BTN2A1: variants seen among roughly 807,000 people sequenced by gnomAD.
BTN2A1 encodes butyrophilin subfamily 2 member A1.
A neutral mutation model predicts 34.5 loss-of-function variants in BTN2A1; 41 were observed. The ratio of observed to expected loss-of-function variants is 1.19; its 90% CI spans 0.93 to 1.54. BTN2A1 has a LOEUF of 1.54. BTN2A1 is among the 40% of genes most tolerant of loss of function. BTN2A1 has a pLI of 0.00. For synonymous variants in BTN2A1, 267 were observed against 258.6 expected (o/e 1.03, Z -0.31); for missense variants, 642 against 662.0 (o/e 0.97, Z 0.33).
At position 26,459,980 on chromosome 6, in the gene BTN2A1, CT is replaced by C. The variant is rs1337250345; in HGVS notation, c.430+154del. 3 of 453,410 alleles carry C rather than the reference CT, an allele frequency of 6.6e-6. No homozygotes were observed. The East Asian group carries it at 1.5e-4, about 23-fold the overall frequency. The allele number at this position is 453,410 out of a possible 1,614,324, so 28.1% of individuals were successfully genotyped here. ...GGAAACGGAATTCCAGGGAAAAATC[CT>C]TCCTCCTGCACAAGGGACACATGAG... On this transcript the variant is annotated intron_variant, in intron 3 of 7. Coordinates refer to ENST00000312541, the MANE Select transcript of BTN2A1 (RefSeq NM_007049.5).
At chr6:26,465,882 A>G (rs143734782) in intron 5 of BTN2A1, 71 bp from the exon 6 acceptor site, 1 of 1,610,516 alleles carries the variant, frequency 6.2e-7, no homozygotes, top group Non-Finnish European at 8.5e-7. Flanking sequence ...CGGTTCCTGC[A>G]TTGTTTACTA....
In BTN2A1 at chr6:26,469,332, C is replaced by T. The variant is rs1433938427; in HGVS notation, c.*783C>T. The T allele has an allele frequency of 1.8e-5, 18 of 986,212 alleles. No individual in the cohort carries two copies. Among genetic ancestry groups the T allele is most frequent in the Non-Finnish European group, 1.9e-5 (16 of 830,648 alleles). The allele number at this position is 986,212 out of a possible 1,614,324, so 61.1% of individuals were successfully genotyped here. ...CAGTATTCAAGTTCAGTGGGGACAC[C>T]AGTGGCTTCAAACTTCCTGGTTTCA... On this transcript the variant is annotated 3_prime_UTR_variant, in exon 8 of 8. Transcript: ENST00000312541.
At chr6:26,459,853 T>C in intron 3 of BTN2A1, 25 bp downstream of exon 3, 1 of 1,595,558 alleles carries the variant, frequency 6.3e-7, no homozygotes, top group Non-Finnish European at 8.6e-7. Context: ...TTTGCTTTGT[T>C]ACTTTGGCAC....
rs781698683 is a variant in BTN2A1 at position 26,458,684 on chromosome 6, C to G, written c.48C>G (p.Leu16=). The part of the protein sequence containing the change: ...ALHFSRPASL[L]LLLLSLCALV... ...ACTTCTCCCGGCCAGCCTCCCTCCT[C>G]CTCCTCCTCCTCAGCCTGTGTGCAC... The change falls in exon 2 of 8, where the codon CTC becomes CTG. Residue 16 remains leucine, a synonymous_variant. Coordinates refer to ENST00000312541, the MANE Select transcript of BTN2A1 (RefSeq NM_007049.5). The G allele has an allele frequency of 3.1e-6, 5 of 1,614,062 alleles. No homozygotes were observed. Among genetic ancestry groups the G allele is most frequent in the Non-Finnish European group, 4.2e-6 (5 of 1,179,962 alleles).
exon 8 of BTN2A1, chr6:26,476,350 A>T: frequency 1.3e-6 from 1 of 758,260 alleles, no homozygotes; most frequent in Non-Finnish European, 2.4e-6. Flanking sequence ...TCACACCAGT[A>T]TCTTGCTGCT....
chr6:26,459,419 T>C, intron 2 of BTN2A1, 62 bp from the exon 3 acceptor site: 1 of 1,552,246 alleles, frequency 6.4e-7, no homozygotes, highest in Non-Finnish European at 8.8e-7. Flanking sequence ...ATCTGCTTCC[T>C]TTCTTGCCTT....
At position 26,476,298 on chromosome 6, in the gene BTN2A1, T is replaced by G. The variant is rs1261734431; in HGVS notation, c.*166T>G. 6.6e-6 allele frequency: 6 copies of G among 902,256 alleles called. No homozygotes were observed. In the East Asian group the frequency reaches 1.6e-4, roughly 23 times the overall value. The allele number at this position is 902,256 out of a possible 1,614,324, so 55.9% of individuals were successfully genotyped here. A position where few individuals can be genotyped will look rare whatever the true frequency, so the allele number is the denominator to read the frequency against. ...AGCGGGTCTGTAGAGCCCATCGCTCTCTCCTGTCTATTCATCAGCTAGGCT... is the reference window on the plus strand; with the variant it reads ...AGCGGGTCTGTAGAGCCCATCGCTCGCTCCTGTCTATTCATCAGCTAGGCT... On this transcript the variant is annotated 3_prime_UTR_variant, in exon 8 of 8. Coordinates refer to the BTN2A1 transcript ENST00000469185.
downstream of BTN2A1, among the ~76,000 whole-genome samples, chr6:26,471,455 C>A (rs1488751175): frequency 6.6e-6 from 1 of 152,222 alleles, no homozygotes; most frequent in Non-Finnish European, 1.5e-5. Flanking sequence ...GGGCCGGGCA[C>A]GGTGGCTCAC....
At chr6:26,463,711 C>T (rs1763236014) in intron 4 of BTN2A1, among the ~76,000 whole-genome samples, 186 bp downstream of exon 4, 1 of 151,980 alleles carries the variant, frequency 6.6e-6, no homozygotes, top group Non-Finnish European at 1.5e-5. Flanking sequence ...TCCCAAAACT[C>T]AGGAGTAGGA....
downstream of BTN2A1, among the ~76,000 whole-genome samples, chr6:26,472,359 A>C (rs1763466766): frequency 6.6e-6 from 1 of 152,198 alleles, no homozygotes; most frequent in African/African-American, 2.4e-5. Context: ...TGCAATAAGA[A>C]AATGGGATTT....
At chr6:26,458,833 A>T (rs1413592186) in intron 2 of BTN2A1, 115 bp downstream of exon 2, 14 of 1,339,736 alleles carry the variant, frequency 1.0e-5, no homozygotes, top group Non-Finnish European at 1.4e-5. Flanking sequence ...TTTCATTCTG[A>T]ACATGTTCAT....
rs1763076995 is a variant in BTN2A1 at position 26,458,701 on chromosome 6, T to G, written c.65T>G (p.Leu22Arg). The part of the protein sequence containing the change: ...PASLLLLLLS[L>R]CALVSAQFIV... ...TCCCTCCTCCTCCTCCTCCTCAGCC[T>G]GTGTGCACTGGTCTCAGGTAGGGAT... is the stretch of plus-strand genomic sequence containing the variant. Residue 22 changes from leucine (L) to arginine (R), a missense_variant, in exon 2 of 8, where the codon CTG (leucine) becomes CGG (arginine). Leu to Arg is a moderately radical substitution (Grantham distance 102). Coordinates refer to ENST00000312541, the MANE Select transcript of BTN2A1 (RefSeq NM_007049.5). The G allele has an allele frequency of 6.2e-7, 1 of 1,613,964 alleles. No homozygotes were observed.
At position 26,468,799 on chromosome 6, in the gene BTN2A1, C is replaced by G. The variant is rs1478388513; in HGVS notation, c.*250C>G. The G allele has an allele frequency of 2.5e-6, 4 of 1,584,272 alleles. No individual in the cohort carries two copies. The highest frequency in any genetic ancestry group is 3.4e-5 in the Admixed American group (2 of 59,104). Reference sequence around the variant, plus strand: ...CAGGCATAGGGAACTAGTTGTTACACAGCTCCCAGCCAAGAAGAAAGTGTG... The same window carrying G: ...CAGGCATAGGGAACTAGTTGTTACAGAGCTCCCAGCCAAGAAGAAAGTGTG... On this transcript the variant is annotated 3_prime_UTR_variant, in exon 8 of 8. Coordinates refer to ENST00000312541, the MANE Select transcript of BTN2A1 (RefSeq NM_007049.5).
intron 5 of BTN2A1, 152 bp downstream of exon 5, chr6:26,465,558 G>A: frequency 1.2e-6 from 1 of 802,688 alleles, no homozygotes; most frequent in South Asian, 1.9e-5. Flanking sequence ...AAGAAAAAGA[G>A]TAGAAGGACA....
At chr6:26,470,449 A>G (rs1435558456), downstream of BTN2A1, among the ~76,000 whole-genome samples, 1 of 148,164 alleles carries the variant, frequency 6.7e-6, no homozygotes, top group Non-Finnish European at 1.5e-5. Flanking sequence ...TCGGGAAGTA[A>G]ATCAATGTGA....
At chr6:26,467,302 C>T (rs532049704) in intron 7 of BTN2A1, among the ~76,000 whole-genome samples, 2 of 152,126 alleles carry the variant, frequency 1.3e-5, no homozygotes, top group African/African-American at 4.8e-5. Flanking sequence ...CATAGGTCTT[C>T]ATTTGGGGTT....
chr6:26,469,908 G>A (rs559214918), downstream of BTN2A1, among the ~76,000 whole-genome samples: 12 of 152,224 alleles, frequency 7.9e-5, no homozygotes, highest in African/African-American at 2.4e-4. Flanking sequence ...ATTAGGTGTG[G>A]TAGCGCACGC....
Position 26,459,616 on chromosome 6 carries a change from C to T in BTN2A1, c.218C>T (p.Pro73Leu), listed in dbSNP as rs927224875. ...EVRWFRSQFS[P>L]AVFVYKGGRE... is the part of the protein sequence containing the mutation. ...CGGTGGTTCCGGTCTCAGTTCTCCC[C>T]CGCAGTGTTTGTGTATAAAGGTGGC... The change falls in exon 3 of 8, where the codon CCC (proline) becomes CTC (leucine). Residue 73 changes from proline to leucine, a missense_variant. Coordinates refer to ENST00000312541, the MANE Select transcript of BTN2A1 (RefSeq NM_007049.5). 6.2e-7 allele frequency: 1 copy of T among 1,614,044 alleles called. No homozygotes were observed. Among genetic ancestry groups the T allele is most frequent in the Admixed American group, 1.7e-5 (1 of 60,008 alleles).
In BTN2A1 at chr6:26,465,213, T is replaced by A. The variant is rs763892251; in HGVS notation, c.741T>A (p.Cys247Ter). 1 of 1,614,108 alleles carries A rather than the reference T, an allele frequency of 6.2e-7. No individual in the cohort carries two copies. Among genetic ancestry groups the A allele is most frequent in the Non-Finnish European group, 8.5e-7 (1 of 1,179,924 alleles). ...PESFMPSVSP[C>*]AVALPIIVVI... is the part of the protein sequence containing the mutation. ...CCTTTATGCCCAGTGTGTCTCCCTG[T>A]GCAGTGGCCCTGCCTATCATTGTGG... Residue 247 changes from cysteine (C) to a stop codon, truncating the protein, a stop_gained, in exon 5 of 8, where the codon TGT (cysteine) becomes TGA (stop). Transcript: ENST00000312541. LOFTEE classifies it high-confidence loss of function.
Sources: gnomAD v4.1 joint callset for allele counts (sites outside exome capture counted in the v4.1 genomes callset) on GRCh38, gnomAD v4.1.1 for gene constraint, MANE v1.5 for transcripts, NCBI Gene and HGNC (gene_info 2026-07-23, HGNC 2026-07-21) for gene names.